Variants in PLA2G5 observed in about 807,000 individuals in gnomAD.
The protein encoded by PLA2G5 is phospholipase A2 group V, also known as Ca2+-dependent phospholipase A2.
A neutral mutation model predicts 15.9 loss-of-function variants in PLA2G5; 12 were observed. The observed-to-expected ratio is 0.76, with a 90% CI of 0.48 to 1.23. The LOEUF (loss-of-function observed/expected upper bound fraction) is 1.23, where lower values mean the gene tolerates loss of function less well. PLA2G5 is among the 50% of genes most tolerant of loss of function. The pLI is 0.00. For synonymous variants in PLA2G5, 71 were observed against 71.4 expected (o/e 0.99, Z 0.03); for missense variants, 169 against 177.1 (o/e 0.95, Z 0.26).
At chr1:20,033,859 C>A (rs1000702656) in intron 1 of PLA2G5, among the ~76,000 whole-genome samples, 1 of 151,916 alleles carries the variant, frequency 6.6e-6, no homozygotes, top group African/African-American at 2.4e-5. Context: ...ATACTTCCGG[C>A]TGTGAATTCA....
Position 20,040,195 on chromosome 1 carries a change from A to G in PLA2G5, n.276+11486A>G, listed in dbSNP as rs548812510. Among the ~76,000 whole-genome samples, 6 of 152,306 alleles carry G rather than the reference A, an allele frequency of 3.9e-5. No homozygotes were observed. In the East Asian group the frequency reaches 1.2e-3, roughly 29 times the overall value. On this transcript the variant is annotated intron_variant and non_coding_transcript_variant, in intron 1 of 6. Coordinates refer to the PLA2G5 transcript ENST00000460175. ...CCCTTTGCTATAGTATAGTAAAGCT[A>G]TACTATATGTCCTTTGCTATACCCA...
chr1:20,039,807 C>A (rs1245877822), intron 1 of PLA2G5, among the ~76,000 whole-genome samples: 1 of 152,212 alleles, frequency 6.6e-6, no homozygotes, highest in African/African-American at 2.4e-5. Context: ...TTAATCAGAT[C>A]ACAAAAAGAA....
chr1:20,056,015 T>G (rs2014413012), intron 1 of PLA2G5, among the ~76,000 whole-genome samples: 1 of 152,178 alleles, frequency 6.6e-6, no homozygotes, highest in South Asian at 2.1e-4. Flanking sequence ...ACTCAACATT[T>G]ATTCCAGCCT....
At chr1:20,047,060 C>T (rs2013941448) in intron 1 of PLA2G5, among the ~76,000 whole-genome samples, 2 of 152,156 alleles carry the variant, frequency 1.3e-5, no homozygotes, top group Admixed American at 1.3e-4. Flanking sequence ...AACCAGGGGC[C>T]TTGTGGGAGT....
Position 20,084,880 on chromosome 1 carries a change from G to A in PLA2G5, c.40+10G>A. 1 of 1,595,492 alleles carries A rather than the reference G, an allele frequency of 6.3e-7. No individual in the cohort carries two copies. Among genetic ancestry groups the A allele is most frequent in the Non-Finnish European group, 8.6e-7 (1 of 1,162,992 alleles). On this transcript the variant is annotated intron_variant, in intron 2 of 4. Transcript: ENST00000375108. ...TGGTTCCTGGCTTGTAGTAAGTGCT[G>A]GCCCCGTGACCTTCGAATGAACTTT...
intron 2 of PLA2G5, among the ~76,000 whole-genome samples, chr1:20,060,055 G>A (rs536615414): frequency 1.3e-5 from 2 of 152,178 alleles, no homozygotes; most frequent in South Asian, 4.1e-4. Context: ...TTGAGGAAGT[G>A]AGAAAAGCCC....
intron 1 of PLA2G5, among the ~76,000 whole-genome samples, chr1:20,083,647 A>T (rs1291965466): frequency 6.6e-6 from 1 of 151,908 alleles, no homozygotes; most frequent in East Asian, 1.9e-4. Context: ...GATTCTAAGG[A>T]GTGAAGCCAA....
chr1:20,031,115 G>GT (rs1271825635), intron 1 of PLA2G5, among the ~76,000 whole-genome samples: 3 of 152,154 alleles, frequency 2.0e-5, no homozygotes, highest in Non-Finnish European at 4.4e-5. Flanking sequence ...AGAGAAATGG[G>GT]TTTTTGTAAT....
intron 1 of PLA2G5, among the ~76,000 whole-genome samples, chr1:20,035,613 A>G (rs946269320): frequency 1.3e-5 from 2 of 152,112 alleles, no homozygotes; most frequent in African/African-American, 2.4e-5. Context: ...GTGAGTCCTT[A>G]TGTGATAGAT....
chr1:20,082,042 C>CA (rs11573255), intron 1 of PLA2G5, among the ~76,000 whole-genome samples: 8,784 of 151,094 alleles, frequency 0.058, 428 homozygotes, highest in East Asian at 0.21. Flanking sequence ...CAGAGTGAGA[C>CA]AAAAAAAAGA....
At chr1:20,033,220 G>A (rs1238972192) in intron 1 of PLA2G5, among the ~76,000 whole-genome samples, 1 of 152,190 alleles carries the variant, frequency 6.6e-6, no homozygotes, top group East Asian at 1.9e-4. Context: ...GACATAGCCA[G>A]CTGCTGGACA....
At chr1:20,074,247 C>A (rs369249876) in intron 1 of PLA2G5, among the ~76,000 whole-genome samples, 2 of 152,230 alleles carry the variant, frequency 1.3e-5, no homozygotes, top group East Asian at 3.9e-4. Context: ...AGCCTGCGGG[C>A]ATCCTGGAGC....
intron 1 of PLA2G5, among the ~76,000 whole-genome samples, chr1:20,051,734 C>A (rs549368729): frequency 6.6e-6 from 1 of 152,144 alleles, no homozygotes; most frequent in Non-Finnish European, 1.5e-5. Context: ...AGGAATCAAA[C>A]TTGAGTTATG....
At chr1:20,039,787 T>C (rs192975090) in intron 1 of PLA2G5, among the ~76,000 whole-genome samples, 7 of 152,282 alleles carry the variant, frequency 4.6e-5, no homozygotes, top group Admixed American at 3.9e-4. Flanking sequence ...AGTTCAAGAA[T>C]TGCAGGCTTT....
upstream of PLA2G5, chr1:20,068,947 C>T (rs1453563566): frequency 7.0e-6 from 9 of 1,288,662 alleles, no homozygotes; most frequent in East Asian, 5.5e-5. Context: ...AGGAAGGACC[C>T]GGATGGAAGT....
chr1:20,038,809 T>C (rs917650149), intron 1 of PLA2G5, among the ~76,000 whole-genome samples: 1 of 152,118 alleles, frequency 6.6e-6, no homozygotes, highest in Non-Finnish European at 1.5e-5. Context: ...GTAATAATAG[T>C]GGGCAACTAA....
At chr1:20,041,051 C>T (rs796690554) in intron 1 of PLA2G5, among the ~76,000 whole-genome samples, 7 of 152,236 alleles carry the variant, frequency 4.6e-5, no homozygotes, top group African/African-American at 1.7e-4. Flanking sequence ...CCTCCTGAGG[C>T]TGTGTCATGG....
At chr1:20,067,288 T>C (rs2100506939), upstream of PLA2G5, among the ~76,000 whole-genome samples, 1 of 152,140 alleles carries the variant, frequency 6.6e-6, no homozygotes, top group Non-Finnish European at 1.5e-5. Context: ...GTGTGAGCCA[T>C]CTCATCCAGC....
intron 1 of PLA2G5, among the ~76,000 whole-genome samples, chr1:20,075,603 G>A (rs1411467162): frequency 2.6e-5 from 4 of 152,204 alleles, no homozygotes; most frequent in Non-Finnish European, 5.9e-5. Flanking sequence ...CATGCATCCA[G>A]CCTCAGTCCA....
Sources: allele counts gnomAD v4.1 joint callset (sites outside exome capture counted in the v4.1 genomes callset), GRCh38; gene constraint gnomAD v4.1.1; transcripts MANE v1.5; gene names NCBI Gene and HGNC (gene_info 2026-07-23, HGNC 2026-07-21).